The following IL10RA variants were observed in gnomAD, a reference collection of about 807,000 sequenced individuals.
The protein encoded by IL10RA is interleukin 10 receptor subunit alpha.
A neutral mutation model predicts 29.6 loss-of-function variants in IL10RA; 18 were observed. The ratio of observed to expected loss-of-function variants is 0.61; its 90% CI spans 0.42 to 0.90. IL10RA has a LOEUF of 0.90. IL10RA is among the 40% of genes least tolerant of loss of function. The pLI, the probability that IL10RA is intolerant of heterozygous loss-of-function variation, is 0.00. For synonymous variants in IL10RA, 292 were observed against 294.1 expected, an observed-to-expected ratio of 0.99 and a Z score of 0.07; for missense variants, 634 against 716.6, an observed-to-expected ratio of 0.88 and a Z score of 1.32.
chr11:117,987,174 C>A, intron 1 of IL10RA: 1 of 314,698 alleles, frequency 3.2e-6, no homozygotes, highest in South Asian at 2.7e-5. Flanking sequence ...TTGGAAGGAC[C>A]AAGAGCAGAG....
rs1343629901 is a variant in IL10RA at position 117,989,903 on chromosome 11, T to A, written c.367+283T>A. On this transcript the variant is annotated intron_variant, in intron 3 of 6. Coordinates refer to ENST00000227752, the MANE Select transcript of IL10RA (RefSeq NM_001558.4). The surrounding 1 kb of genome is among the most constrained non-coding windows in gnomAD (Gnocchi z 4.5). ...ACCAGGTCCAGGCCTGTGAACTTGTTTTTTCAGGGAGGGTTCAGGGAGAGG... is the reference window on the plus strand; with the variant it reads ...ACCAGGTCCAGGCCTGTGAACTTGTATTTTCAGGGAGGGTTCAGGGAGAGG... 6.6e-6 allele frequency among the ~76,000 whole-genome samples: 1 copy of A among 151,988 alleles called. No homozygotes were observed. Among genetic ancestry groups the A allele is most frequent in the African/African-American group, 2.4e-5 (1 of 41,362 alleles).
At chr11:117,987,073 C>T (rs2057991392) in intron 1 of IL10RA, 1 of 362,062 alleles carries the variant, frequency 2.8e-6, no homozygotes, top group Non-Finnish European at 5.5e-6. Context: ...GGCTTCTAAC[C>T]CAGTTCAGGC....
In IL10RA at chr11:117,989,809, T is replaced by C. The variant is rs2058010464; in HGVS notation, c.367+189T>C. Reference sequence around the variant, plus strand: ...TAAAAATAGCCCAAGTTGTTTGAGATTTAAAAGGGAACTGGAGTTGTTTAT... The same window carrying C: ...TAAAAATAGCCCAAGTTGTTTGAGACTTAAAAGGGAACTGGAGTTGTTTAT... On this transcript the variant is annotated intron_variant, in intron 3 of 6. Coordinates refer to ENST00000227752, the MANE Select transcript of IL10RA (RefSeq NM_001558.4). This position sits in a 1 kb window ranked among gnomAD's most constrained non-coding sequence, Gnocchi z 4.5. The C allele has an allele frequency of 1.5e-6, 1 of 670,722 alleles. No individual in the cohort carries two copies. The highest frequency in any genetic ancestry group is 2.8e-5 in the East Asian group (1 of 36,342). 41.5% of individuals were successfully genotyped at this position (670,722 alleles called of 1,614,324 possible).
At chr11:117,993,527 G>A (rs1324906930) in intron 4 of IL10RA, 117 bp downstream of exon 4, 1 of 918,322 alleles carries the variant, frequency 1.1e-6, no homozygotes, top group Non-Finnish European at 1.8e-6. Flanking sequence ...GGAGGGTCTG[G>A]GATGGTGGGT....
rs1565369879 is a variant in IL10RA, at chr11:117,986,500, G to A, written c.33G>A (p.Ala11=). The change falls in exon 1 of 7, where the codon GCG becomes GCA. Residue 11 remains alanine (A), a synonymous_variant. Coordinates refer to ENST00000227752, the MANE Select transcript of IL10RA (RefSeq NM_001558.4). ...CGTGCCTCGTAGTGCTGCTGGCGGC[G>A]CTCCTCAGCCTCCGTCTTGGCTCAG... MLPCLVVLLA[A]LLSLRLGSDA... is the part of the protein sequence containing the mutation. 3 of 1,556,344 alleles carry A rather than the reference G, an allele frequency of 1.9e-6. No homozygotes were observed. The highest frequency in any genetic ancestry group is 1.4e-5 in the African/African-American group (1 of 73,236).
At chr11:117,996,097 C>A (rs1214445981) in intron 6 of IL10RA, among the ~76,000 whole-genome samples, 1 of 152,192 alleles carries the variant, frequency 6.6e-6, no homozygotes, top group East Asian at 1.9e-4. Flanking sequence ...GATTGTTACA[C>A]ACAGAGGGCC....
In IL10RA at chr11:118,000,148, A is replaced by C. The variant is rs1320140742; in HGVS notation, c.*507A>C. 2.2e-6 allele frequency: 1 copy of C among 453,954 alleles called. No individual in the cohort carries two copies. 28.1% of individuals were successfully genotyped at this position (453,954 alleles called of 1,614,324 possible). On this transcript the variant is annotated 3_prime_UTR_variant, in exon 7 of 7. Coordinates refer to ENST00000227752, the MANE Select transcript of IL10RA (RefSeq NM_001558.4). ...TTTTTAGGGGAAAAAGGAGGATATG[A>C]TGGTCACATGGGGAACCTCCCCTCA...
Position 117,986,653 on chromosome 11 carries a change from G to A in IL10RA, c.67+119G>A, listed in dbSNP as rs1380840497. 1.2e-5 allele frequency: 19 copies of A among 1,537,700 alleles called. No individual in the cohort carries two copies. The East Asian group carries it at 2.0e-4, about 16-fold the overall frequency. On this transcript the variant is annotated intron_variant, in intron 1 of 6. Transcript: ENST00000227752. ...CCCTCTGGCAGAGCGGTGCCCGGGT[G>A]CTCCCTTACTCTGGCAAACCTGGAT...
In IL10RA at chr11:117,993,174, G is replaced by A. The variant is rs151005657; in HGVS notation, c.368-67G>A. 176 of 1,440,580 alleles carry A rather than the reference G, an allele frequency of 1.2e-4. 1 individual carries two copies. In the African/African-American group the frequency reaches 2.0e-3, roughly 16 times the overall value. The allele number at this position is 1,440,580 out of a possible 1,614,324, so 89.2% of individuals were successfully genotyped here. On this transcript the variant is annotated intron_variant, in intron 3 of 6. Transcript: ENST00000227752. ...TTAATTCTGGAGGCAAAGTCTCGGCGGGGACACCCAGGCCCTCCTCAGCCC... is the reference window on the plus strand; with the variant it reads ...TTAATTCTGGAGGCAAAGTCTCGGCAGGGACACCCAGGCCCTCCTCAGCCC...
chr11:117,992,376 A>G (rs2134987006), intron 3 of IL10RA, among the ~76,000 whole-genome samples: 1 of 152,304 alleles, frequency 6.6e-6, no homozygotes, highest in South Asian at 2.1e-4. Flanking sequence ...CATCTTTTGG[A>G]TAATAGCCAA....
intron 5 of IL10RA, 21 bp from the exon 6 acceptor site, chr11:117,995,566 AAC>A: frequency 6.2e-7 from 1 of 1,613,904 alleles, no homozygotes; most frequent in Non-Finnish European, 8.5e-7. Flanking sequence ...ACAGGCCACA[AAC>A]ACATCTCTCT....
Position 117,989,084 on chromosome 11 carries a change from G to A in IL10RA, c.189-358G>A, listed in dbSNP as rs1443926170. ...CCTCCAAGGCTTTTCTATCTTACTG[G>A]AAAAGGAGAAGCATCCACAGTACAG... On this transcript the variant is annotated intron_variant, in intron 2 of 6. Transcript: ENST00000227752. The surrounding 1 kb of genome is among the most constrained non-coding windows in gnomAD (Gnocchi z 4.5). 2.6e-5 allele frequency among the ~76,000 whole-genome samples: 4 copies of A among 152,322 alleles called. No individual in the cohort carries two copies. The highest frequency in any genetic ancestry group is 5.9e-5 in the Non-Finnish European group (4 of 68,028).
chr11:117,989,995 T>A lies in IL10RA; in HGVS notation c.367+375T>A, dbSNP rs2058011503. ...GGCAGAATTTGGGTGAACGCCCCGCTTCTTTAGGGGTGAACACCCAGGGGT... is the reference window on the plus strand; with the variant it reads ...GGCAGAATTTGGGTGAACGCCCCGCATCTTTAGGGGTGAACACCCAGGGGT... On this transcript the variant is annotated intron_variant, in intron 3 of 6. Transcript: ENST00000227752. The surrounding 1 kb of genome is among the most constrained non-coding windows in gnomAD (Gnocchi z 4.5). Among the ~76,000 whole-genome samples the A allele has an allele frequency of 6.6e-6, 1 of 152,126 alleles. No homozygotes were observed. The highest frequency in any genetic ancestry group is 6.5e-5 in the Admixed American group (1 of 15,270).
At chr11:117,990,136 T>C (rs549114044) in intron 3 of IL10RA, among the ~76,000 whole-genome samples, 1 of 152,218 alleles carries the variant, frequency 6.6e-6, no homozygotes, top group African/African-American at 2.4e-5. Context: ...CCAGTTGGGA[T>C]TGAGAAAGTT....
In IL10RA at chr11:117,989,594, C is replaced by T; in HGVS notation, c.341C>T (p.Thr114Ile). 1 of 1,614,152 alleles carries T rather than the reference C, an allele frequency of 6.2e-7. No homozygotes were observed. Among genetic ancestry groups the T allele is most frequent in the Non-Finnish European group, 8.5e-7 (1 of 1,180,044 alleles). ...DGSRHSNWTVTNTRFSVDEVT... is the reference protein window; with the variant it reads ...DGSRHSNWTVINTRFSVDEVT... ...AGCCGGCACTCCAACTGGACCGTCA[C>T]CAACACCCGCTTCTCTGTGGATGAA... is the stretch of plus-strand genomic sequence containing the variant. Residue 114 changes from threonine to isoleucine, a missense_variant, in exon 3 of 7, where the codon ACC (threonine) becomes ATC (isoleucine). Coordinates refer to ENST00000227752, the MANE Select transcript of IL10RA (RefSeq NM_001558.4). This position sits in a 1 kb window ranked among gnomAD's most constrained non-coding sequence, Gnocchi z 4.5.
chr11:117,994,859 T>G (rs374999439), intron 5 of IL10RA: 1 of 155,590 alleles, frequency 6.4e-6, no homozygotes, highest in South Asian at 2.0e-4. Flanking sequence ...CTGCTAGATC[T>G]GCAACAAATT....
rs1203522961 is a variant in IL10RA at position 117,986,531 on chromosome 11, C to A, written c.64C>A (p.His22Asn). ...CAGCCTCCGTCTTGGCTCAGACGCT[C>A]ATGGTAAGGCTCCGGGACGCGGCCC... is the stretch of plus-strand genomic sequence containing the variant. ...LLSLRLGSDA[H>N]GTELPSPPSV... Residue 22 changes from histidine (H) to asparagine (N), a missense_variant, in exon 1 of 7, where the codon CAT becomes AAT. Coordinates refer to ENST00000227752, the MANE Select transcript of IL10RA (RefSeq NM_001558.4). The A allele has an allele frequency of 3.9e-6, 6 of 1,554,122 alleles. No homozygotes were observed. The highest frequency in any genetic ancestry group is 4.4e-6 in the Non-Finnish European group (5 of 1,148,540).
Position 118,000,662 on chromosome 11 carries a change from T to A in IL10RA, c.*1021T>A. ...CCTTGTTGGTGTTCAGCTGTGTGAT[T>A]TTGGACTAGCCACTTGTCAGAGGGC... On this transcript the variant is annotated 3_prime_UTR_variant, in exon 7 of 7. Transcript: ENST00000227752. 2.2e-6 allele frequency: 1 copy of A among 454,232 alleles called. No homozygotes were observed. The highest frequency in any genetic ancestry group is 4.4e-6 in the Non-Finnish European group (1 of 226,788). 28.1% of individuals were successfully genotyped at this position (454,232 alleles called of 1,614,324 possible). A position where few individuals can be genotyped will look rare whatever the true frequency, so the allele number is the denominator to read the frequency against.
At chr11:117,997,909 A>G (rs576472352) in intron 6 of IL10RA, among the ~76,000 whole-genome samples, 4 of 152,302 alleles carry the variant, frequency 2.6e-5, no homozygotes, top group Admixed American at 1.3e-4. Flanking sequence ...GGACACAGCC[A>G]TATAAAGTGC....
Sources: gnomAD v4.1 joint callset for allele counts (sites outside exome capture counted in the v4.1 genomes callset) on GRCh38, gnomAD v4.1.1 for gene constraint, Gnocchi (gnomAD v3.1) non-coding constraint, MANE v1.5 for transcripts, NCBI Gene and HGNC (gene_info 2026-07-23, HGNC 2026-07-21) for gene names.